Variants in ADK observed in about 807,000 individuals in gnomAD.
ADK encodes adenosine kinase.
A neutral mutation model predicts 44.7 loss-of-function variants in ADK; 24 were observed. The ratio of observed to expected loss-of-function variants is 0.54; its 90% confidence interval spans 0.39 to 0.76. The LOEUF is 0.76. Ranked by LOEUF, ADK falls within the 30% of genes least tolerant of loss-of-function variation. The pLI, the probability that ADK is intolerant of heterozygous loss-of-function variation, is 0.00. For synonymous variants in ADK, 128 were observed against 142.6 expected, an observed-to-expected ratio of 0.90 and a Z score of 0.73; for missense variants, 321 against 425.1, an observed-to-expected ratio of 0.76 and a Z score of 2.15.
intron 4 of ADK, among the ~76,000 whole-genome samples, chr10:74,334,694 G>A (rs1227899238): frequency 6.6e-6 from 1 of 151,990 alleles, no homozygotes; most frequent in Non-Finnish European, 1.5e-5. Flanking sequence ...CCTGCTTCTG[G>A]CCAACAACCT....
At chr10:74,650,838 A>G (rs957936562) in intron 9 of ADK, among the ~76,000 whole-genome samples, 4 of 152,238 alleles carry the variant, frequency 2.6e-5, no homozygotes, top group East Asian at 3.8e-4. Context: ...TGCCATTTGC[A>G]TAGACTAGAA....
chr10:74,233,855 A>G (rs1300168059), intron 3 of ADK, among the ~76,000 whole-genome samples: 1 of 152,170 alleles, frequency 6.6e-6, no homozygotes, highest in Non-Finnish European at 1.5e-5. Context: ...TTTCCTGTCA[A>G]TTTTTAGGGG....
At position 74,600,441 on chromosome 10, in the gene ADK, G is replaced by T; in HGVS notation, c.825G>T (p.Arg275Ser). ...CCCTGCCAAAGATGAACTCAAAGAG[G>T]CAGCGAATCGTGATCTTCACCCAAG... is the stretch of plus-strand genomic sequence containing the variant. ...TQALPKMNSK[R>S]QRIVIFTQGR... is the part of the protein sequence containing the mutation. Residue 275 changes from arginine (R) to serine (S), a missense_variant, in exon 9 of 11, where the codon AGG (arginine) becomes AGT (serine). Coordinates refer to ENST00000539909, the MANE Select transcript of ADK (RefSeq NM_006721.4). 1 of 1,611,412 alleles carries T rather than the reference G, an allele frequency of 6.2e-7. No homozygotes were observed.
rs558027298 is a variant in ADK, at chr10:74,701,262, A to G, written c.965-7059A>G. Among the ~76,000 whole-genome samples, 264 of 152,336 alleles carry G rather than the reference A, an allele frequency of 1.7e-3. 1 individual carries two copies. The Middle Eastern group carries it at 0.02, about 12-fold the overall frequency. On this transcript the variant is annotated intron_variant, in intron 10 of 10. Coordinates refer to ENST00000539909, the MANE Select transcript of ADK (RefSeq NM_006721.4). ...AATTGGAAGTACTGGTGTCAGCTCA[A>G]TTTCTAAAATAGGTCTCTGTACACA...
rs1030520946 is a variant in ADK at position 74,690,737 on chromosome 10, T to G, written c.965-17584T>G. Among the ~76,000 whole-genome samples the G allele has an allele frequency of 2.6e-5, 4 of 152,324 alleles. No individual in the cohort carries two copies. In the East Asian group the frequency reaches 7.7e-4, roughly 29 times the overall value. On this transcript the variant is annotated intron_variant, in intron 10 of 10. Coordinates refer to ENST00000539909, the MANE Select transcript of ADK (RefSeq NM_006721.4). ...TAAATGTCCCCCAATTGAGGTGTTA[T>G]GTTATTTTTAAAGTGCATACGTGGC...
rs137903958 is a variant in ADK, at chr10:74,494,611, A to C, written c.556-30645A>C. Among the ~76,000 whole-genome samples, 330 of 152,248 alleles carry C rather than the reference A, an allele frequency of 2.2e-3. 2 individuals carry two copies. The highest frequency in any genetic ancestry group is 7.5e-3 in the African/African-American group (312 of 41,560). ...AATGTGAGTTTTAATTTGTAAAGGT[A>C]ATTATAAATCATGTGCTCTGAAAGC... On this transcript the variant is annotated intron_variant, in intron 6 of 10. Transcript: ENST00000539909.
At chr10:74,223,460 G>C (rs538894558) in intron 2 of ADK, among the ~76,000 whole-genome samples, 5 of 152,266 alleles carry the variant, frequency 3.3e-5, no homozygotes, top group Admixed American at 6.5e-5. Flanking sequence ...TGGGTTTAAA[G>C]GTACTTGTGA....
chr10:74,358,095 G>T (rs539423760), intron 4 of ADK, among the ~76,000 whole-genome samples: 1 of 152,188 alleles, frequency 6.6e-6, no homozygotes, highest in East Asian at 1.9e-4. Flanking sequence ...TGGACTTAAT[G>T]AACAATTTAG....
At chr10:74,335,325 T>C (rs1184314665) in intron 4 of ADK, among the ~76,000 whole-genome samples, 1 of 152,184 alleles carries the variant, frequency 6.6e-6, no homozygotes, top group Non-Finnish European at 1.5e-5. Context: ...TTTCTCCAGC[T>C]CTCCTGAGGT....
chr10:74,664,859 A>G (rs1854889527), intron 9 of ADK, among the ~76,000 whole-genome samples: 1 of 152,180 alleles, frequency 6.6e-6, no homozygotes, highest in African/African-American at 2.4e-5. Context: ...AAAAAGTAAT[A>G]TGTGATTCTG....
chr10:74,255,335 T>C (rs1018676279), intron 3 of ADK, among the ~76,000 whole-genome samples: 3 of 152,104 alleles, frequency 2.0e-5, no homozygotes, highest in Non-Finnish European at 4.4e-5. Flanking sequence ...GGTCTTTTGG[T>C]GATCATTTGG....
At chr10:74,398,355 TGAA>T in intron 5 of ADK, 113 bp from the exon 6 acceptor site, 1 of 552,772 alleles carries the variant, frequency 1.8e-6, no homozygotes, top group Non-Finnish European at 3.2e-6. Context: ...ACATTAGTTT[TGAA>T]GAATTAATTA....
intron 1 of ADK, among the ~76,000 whole-genome samples, chr10:74,158,859 T>A (rs1395666247): frequency 6.6e-6 from 1 of 152,234 alleles, no homozygotes; most frequent in Non-Finnish European, 1.5e-5. Context: ...TCTACTGTAA[T>A]ACCAGTACAG....
chr10:74,356,008 T>G (rs199690380), intron 4 of ADK, among the ~76,000 whole-genome samples: 83 of 59,624 alleles, frequency 1.4e-3, no homozygotes, highest in Non-Finnish European at 2.7e-3. Flanking sequence ...ATTCATTTTT[T>G]TTTTTTTTTT....
At chr10:74,309,195 C>T (rs1840355633) in intron 3 of ADK, among the ~76,000 whole-genome samples, 1 of 151,946 alleles carries the variant, frequency 6.6e-6, no homozygotes, top group South Asian at 2.1e-4. Flanking sequence ...TTGTTCTCTT[C>T]ACTTTTTCTA....
rs75554128 is a variant in ADK at position 74,584,058 on chromosome 10, T to A, written c.727-5224T>A. Among the ~76,000 whole-genome samples the A allele has an allele frequency of 1.7e-4, 26 of 152,298 alleles. 1 individual carries two copies. In the East Asian group the frequency reaches 5.0e-3, roughly 29 times the overall value. ...ACCATCACTTTTGTCATATATTTGTTAAAGCAAGTCACTAGGTCTAGAGCA... is the reference window on the plus strand; with the variant it reads ...ACCATCACTTTTGTCATATATTTGTAAAAGCAAGTCACTAGGTCTAGAGCA... On this transcript the variant is annotated intron_variant, in intron 7 of 10. Coordinates refer to ENST00000539909, the MANE Select transcript of ADK (RefSeq NM_006721.4).
intron 3 of ADK, among the ~76,000 whole-genome samples, chr10:74,231,494 A>T (rs1844761891): frequency 6.6e-6 from 1 of 150,614 alleles, no homozygotes; most frequent in South Asian, 2.1e-4. Context: ...TTGAGACAAG[A>T]TCTAACTCTG....
intron 9 of ADK, among the ~76,000 whole-genome samples, chr10:74,656,856 GTGTT>G (rs1854505932): frequency 6.6e-6 from 1 of 152,092 alleles, no homozygotes; most frequent in Non-Finnish European, 1.5e-5. Context: ...GTGTTTTGTG[GTGTT>G]TGTTTTGTTT....
intron 1 of ADK, among the ~76,000 whole-genome samples, chr10:74,177,454 ATGAGT>A (rs1842384153): frequency 1.3e-5 from 2 of 152,126 alleles, no homozygotes; most frequent in South Asian, 4.1e-4. Context: ...CACAAGTGAA[ATGAGT>A]TGAGAGATAC....
Sources: gnomAD v4.1 joint callset for allele counts (sites outside exome capture counted in the v4.1 genomes callset) on GRCh38, gnomAD v4.1.1 for gene constraint, MANE v1.5 for transcripts, NCBI Gene and HGNC (gene_info 2026-07-23, HGNC 2026-07-21) for gene names.